SLC25A21: variants seen among roughly 807,000 people sequenced by gnomAD.
SLC25A21 encodes the protein mitochondrial 2-oxodicarboxylate carrier.
Under a neutral mutation model 43.8 loss-of-function variants are expected in SLC25A21, and 47 were observed. The observed-to-expected ratio is 1.07, with a 90% confidence interval of 0.85 to 1.37. SLC25A21 has a LOEUF of 1.37. Among genes scored for constraint, SLC25A21 ranks in the 40% most tolerant of loss-of-function variants. The pLI is 0.00. For missense variants in SLC25A21, 352 were observed against 350.2 expected (o/e 1.00, Z -0.04); for synonymous variants, 131 against 121.3 (o/e 1.08, Z -0.52).
At chr14:36,941,298 C>T (rs1594707927) in intron 1 of SLC25A21, among the ~76,000 whole-genome samples, 1 of 152,074 alleles carries the variant, frequency 6.6e-6, no homozygotes, top group Admixed American at 6.6e-5. Flanking sequence ...AGGCAGTCAA[C>T]ATTTTGTGGC....
chr14:36,863,178 C>T lies in SLC25A21; in HGVS notation c.119+11778G>A, dbSNP rs532819550. ...AAAAAATGATGTCTGGAGAACCCCA[C>T]TGACAGGCATGAAGAATGCATTGTC... On this transcript the variant is annotated intron_variant, in intron 2 of 9. Coordinates refer to ENST00000331299, the MANE Select transcript of SLC25A21 (RefSeq NM_030631.4). 1.3e-4 allele frequency among the ~76,000 whole-genome samples: 20 copies of T among 152,302 alleles called. 1 individual carries two copies. In the South Asian group the frequency reaches 3.5e-3, roughly 27 times the overall value.
At chr14:36,887,130 G>A (rs1021937979) in intron 1 of SLC25A21, among the ~76,000 whole-genome samples, 1 of 151,854 alleles carries the variant, frequency 6.6e-6, no homozygotes, top group African/African-American at 2.4e-5. Flanking sequence ...CATATGTTCT[G>A]TAATGTCTAC....
intron 1 of SLC25A21, among the ~76,000 whole-genome samples, chr14:37,024,199 C>T (rs1961045170): frequency 6.6e-6 from 1 of 152,098 alleles, no homozygotes; most frequent in Non-Finnish European, 1.5e-5. Context: ...AATCTGACCT[C>T]TCTGGGGCAG....
At chr14:36,994,284 C>T (rs1240449242) in intron 1 of SLC25A21, among the ~76,000 whole-genome samples, 3 of 152,120 alleles carry the variant, frequency 2.0e-5, no homozygotes, top group Admixed American at 6.6e-5. Context: ...GGATTCTCTT[C>T]TGTTTGTTTA....
intron 1 of SLC25A21, among the ~76,000 whole-genome samples, chr14:36,885,285 T>C (rs1385386583): frequency 6.6e-6 from 1 of 152,166 alleles, no homozygotes; most frequent in African/African-American, 2.4e-5. Flanking sequence ...ATGCATGGGT[T>C]TATTTGCAGG....
chr14:37,148,027 G>A (rs2038310), intron 1 of SLC25A21, among the ~76,000 whole-genome samples: 140,245 of 151,730 alleles, frequency 0.92, 65,572 homozygotes, highest in Non-Finnish European at 1. Context: ...TAGTAGAGAC[G>A]GGGTTTCTCC....
chr14:36,983,601 A>G (rs1472438315), intron 1 of SLC25A21, among the ~76,000 whole-genome samples: 1 of 152,260 alleles, frequency 6.6e-6, no homozygotes, highest in Non-Finnish European at 1.5e-5. Context: ...GTACTAAAAC[A>G]GAACTACCTT....
chr14:36,973,453 A>G (rs1249393229), intron 1 of SLC25A21, among the ~76,000 whole-genome samples: 1 of 152,194 alleles, frequency 6.6e-6, no homozygotes. Flanking sequence ...AAGAAAACAG[A>G]AAAGTTGCAG....
chr14:37,168,943 G>A (rs1360099341), intron 1 of SLC25A21, among the ~76,000 whole-genome samples: 1 of 152,212 alleles, frequency 6.6e-6, no homozygotes, highest in African/African-American at 2.4e-5. Flanking sequence ...AGCCTGGGGA[G>A]GAGCTGCTAT....
chr14:36,717,631 C>T (rs569810980), intron 6 of SLC25A21, among the ~76,000 whole-genome samples: 1 of 152,206 alleles, frequency 6.6e-6, no homozygotes, highest in Non-Finnish European at 1.5e-5. Context: ...ACATGGGTTA[C>T]GACTCAGGAA....
At chr14:37,046,033 C>T (rs1174451583) in intron 1 of SLC25A21, among the ~76,000 whole-genome samples, 3 of 152,200 alleles carry the variant, frequency 2.0e-5, no homozygotes, top group South Asian at 2.1e-4. Flanking sequence ...AGAAGCCTCA[C>T]GACAACCCTA....
chr14:36,753,933 G>GAGAGAC (rs1885816126), intron 3 of SLC25A21, among the ~76,000 whole-genome samples: 2 of 134,890 alleles, frequency 1.5e-5, no homozygotes, highest in Admixed American at 1.4e-4. Flanking sequence ...GAGAGAGAGA[G>GAGAGAC]AGAGAGAGAG....
chr14:37,059,327 C>A (rs1469373981), intron 1 of SLC25A21, among the ~76,000 whole-genome samples: 1 of 152,160 alleles, frequency 6.6e-6, no homozygotes, highest in Non-Finnish European at 1.5e-5. Flanking sequence ...CAAGGTTACA[C>A]TCAGTAGACA....
intron 1 of SLC25A21, among the ~76,000 whole-genome samples, chr14:37,104,161 T>A (rs1433382542): frequency 6.6e-6 from 1 of 152,142 alleles, no homozygotes; most frequent in African/African-American, 2.4e-5. Context: ...TAACATATAA[T>A]TTACTTTACT....
intron 1 of SLC25A21, among the ~76,000 whole-genome samples, chr14:37,035,053 T>C (rs1215952513): frequency 6.6e-6 from 1 of 152,176 alleles, no homozygotes; most frequent in Non-Finnish European, 1.5e-5. Flanking sequence ...TTTGCTAGAG[T>C]CTGCACAAGA....
intron 3 of SLC25A21, among the ~76,000 whole-genome samples, chr14:36,809,539 A>T (rs192086110): frequency 9.2e-5 from 14 of 152,294 alleles, no homozygotes; most frequent in Admixed American, 8.5e-4. Context: ...TGTTAGAAAC[A>T]GTAAAGGGAT....
chr14:36,943,635 T>C (rs920327794), intron 1 of SLC25A21, among the ~76,000 whole-genome samples: 15 of 152,202 alleles, frequency 9.9e-5, no homozygotes, highest in Admixed American at 8.5e-4. Flanking sequence ...AAGACCAAGA[T>C]GAACTGCCCC....
At chr14:36,791,338 C>A (rs1887477466) in intron 3 of SLC25A21, among the ~76,000 whole-genome samples, 1 of 152,100 alleles carries the variant, frequency 6.6e-6, no homozygotes, top group African/African-American at 2.4e-5. Flanking sequence ...TTACTTATTT[C>A]CTCTACCTAA....
chr14:36,741,827 C>T (rs1291682656), intron 3 of SLC25A21, among the ~76,000 whole-genome samples: 2 of 152,162 alleles, frequency 1.3e-5, no homozygotes, highest in Non-Finnish European at 2.9e-5. Context: ...GAAAGTGACA[C>T]CAGATCCCCA....
Sources: allele counts gnomAD v4.1 joint callset (sites outside exome capture counted in the v4.1 genomes callset), GRCh38; gene constraint gnomAD v4.1.1; transcripts MANE v1.5; gene names NCBI Gene and HGNC (gene_info 2026-07-23, HGNC 2026-07-21).